The following CHD9 variants were observed in gnomAD, a reference collection of about 807,000 sequenced individuals.
The protein encoded by CHD9 is chromodomain helicase DNA binding protein 9.
A neutral mutation model predicts 316.1 loss-of-function variants in CHD9; 77 were observed. That is an observed-to-expected ratio of 0.24 (90% CI 0.20 to 0.29). CHD9 has a LOEUF of 0.29. CHD9 is among the 10% of genes least tolerant of loss of function. CHD9 has a pLI of 1.00. For missense variants in CHD9, 2,763 were observed against 3,438.1 expected (o/e 0.80, Z 4.91); for synonymous variants, 1,129 against 1,158.3 (o/e 0.97, Z 0.51).
intron 36 of CHD9, among the ~76,000 whole-genome samples, chr16:53,317,668 A>C (rs1456618526): frequency 2.0e-5 from 3 of 152,022 alleles, no homozygotes; most frequent in Non-Finnish European, 4.4e-5. Flanking sequence ...TAATTTTTTG[A>C]TTTTTTGTAG....
chr16:53,222,471 G>A (rs2047329216), intron 3 of CHD9, among the ~76,000 whole-genome samples, 173 bp from the exon 4 acceptor site: 2 of 152,138 alleles, frequency 1.3e-5, no homozygotes, highest in Admixed American at 1.3e-4. Flanking sequence ...TGTTCCATTA[G>A]AATAGAGTTT....
At chr16:53,288,280 T>G (rs2054051734) in intron 27 of CHD9, among the ~76,000 whole-genome samples, 1 of 152,084 alleles carries the variant, frequency 6.6e-6, no homozygotes, top group Non-Finnish European at 1.5e-5. Flanking sequence ...TTCTTAGAGC[T>G]AAGAAACACA....
intron 22 of CHD9, among the ~76,000 whole-genome samples, chr16:53,268,677 G>A (rs974109206): frequency 2.0e-5 from 3 of 152,138 alleles, no homozygotes; most frequent in African/African-American, 7.2e-5. Flanking sequence ...TCTTAGAAAT[G>A]CAGAATCTTA....
chr16:53,200,329 C>G (rs1449530374), intron 2 of CHD9, among the ~76,000 whole-genome samples: 5 of 146,614 alleles, frequency 3.4e-5, no homozygotes, highest in African/African-American at 1.3e-4. Context: ...CAAGATCACA[C>G]CACTGCACTC....
chr16:53,055,248 C>T (rs1477232457), intron 1 of CHD9, among the ~76,000 whole-genome samples, 171 bp downstream of exon 1: 3 of 152,178 alleles, frequency 2.0e-5, no homozygotes, highest in Non-Finnish European at 4.4e-5. Flanking sequence ...CGGAGCTGGG[C>T]CTAGAGCAAG....
chr16:53,287,070 C>T (rs1281816377), intron 26 of CHD9, among the ~76,000 whole-genome samples: 1 of 152,204 alleles, frequency 6.6e-6, no homozygotes, highest in East Asian at 1.9e-4. Flanking sequence ...AGTGATCCTC[C>T]CACTTAGTCT....
chr16:53,324,262 A>G lies in CHD9; in HGVS notation c.8061A>G (p.Val2687=). The G allele has an allele frequency of 6.2e-7, 1 of 1,613,976 alleles. No homozygotes were observed. The highest frequency in any genetic ancestry group is 8.5e-7 in the Non-Finnish European group (1 of 1,179,854). The change falls in exon 39 of 39, where the codon GTA becomes GTG. Residue 2687 remains valine (V), a synonymous_variant. Transcript: ENST00000447540. The part of the protein sequence containing the change: ...QNLQNLQSLQ[V]TAGLMGMPTG... ...TACAAAACTTGCAGTCACTGCAAGT[A>G]ACTGCTGGGTTGATGGGAATGCCTA...
At chr16:53,060,079 C>T (rs2032675825) in intron 1 of CHD9, among the ~76,000 whole-genome samples, 1 of 152,102 alleles carries the variant, frequency 6.6e-6, no homozygotes, top group African/African-American at 2.4e-5. Flanking sequence ...CATGGTGGCT[C>T]ATATCTGTGA....
chr16:53,260,475 T>A (rs1272916490), intron 19 of CHD9, among the ~76,000 whole-genome samples: 1 of 151,748 alleles, frequency 6.6e-6, no homozygotes, highest in Non-Finnish European at 1.5e-5. Flanking sequence ...TGAGACCTTT[T>A]CTCAAAAAAA....
At chr16:53,216,150 T>C (rs976217404) in intron 3 of CHD9, among the ~76,000 whole-genome samples, 1 of 152,202 alleles carries the variant, frequency 6.6e-6, no homozygotes, top group Non-Finnish European at 1.5e-5. Context: ...ACTATCAGTT[T>C]ATTTGAAGCA....
chr16:53,124,492 T>TTTC lies in CHD9; in HGVS notation c.-164-31432_-164-31431insCTT, dbSNP rs1463244787. ...ATTTTTTTTTTTTTTTTTTTTTTTTTTTGGAGAAGGTGTCTCGCTCTGTCA... is the reference window on the plus strand; with the variant it reads ...ATTTTTTTTTTTTTTTTTTTTTTTTTTTCTTGGAGAAGGTGTCTCGCTCTGTCA... On this transcript the variant is annotated intron_variant, in intron 1 of 38. Coordinates refer to ENST00000447540, the MANE Select transcript of CHD9 (RefSeq NM_001308319.2). 1.4e-3 allele frequency among the ~76,000 whole-genome samples: 200 copies of TTTC among 144,164 alleles called. 1 individual carries two copies. The highest frequency in any genetic ancestry group is 6.9e-3 in the Middle Eastern group (2 of 288). 94.6% of individuals were successfully genotyped at this position (144,164 alleles called of 152,430 possible).
chr16:53,204,761 G>A (rs981650900), intron 2 of CHD9, among the ~76,000 whole-genome samples: 1 of 151,848 alleles, frequency 6.6e-6, no homozygotes, highest in East Asian at 1.9e-4. Flanking sequence ...ATCATCTCTT[G>A]TACTATAGGT....
intron 1 of CHD9, among the ~76,000 whole-genome samples, chr16:53,141,776 TATA>T (rs2040129103): frequency 6.6e-6 from 1 of 152,120 alleles, no homozygotes; most frequent in Non-Finnish European, 1.5e-5. Flanking sequence ...AAAATGAGTG[TATA>T]ATAACTTGAA....
intron 2 of CHD9, among the ~76,000 whole-genome samples, chr16:53,165,863 G>T (rs1181616310): frequency 1.3e-5 from 2 of 152,090 alleles, no homozygotes; most frequent in South Asian, 2.1e-4. Context: ...TTTGCCCTAA[G>T]CAAAAAGAAG....
intron 8 of CHD9, among the ~76,000 whole-genome samples, chr16:53,230,940 T>G (rs893102966): frequency 6.6e-6 from 1 of 152,190 alleles, no homozygotes; most frequent in Non-Finnish European, 1.5e-5. Context: ...CATTAACCAT[T>G]AGAAAATGCA....
intron 1 of CHD9, among the ~76,000 whole-genome samples, chr16:53,119,869 T>A (rs1027493963): frequency 2.0e-5 from 3 of 151,990 alleles, no homozygotes; most frequent in African/African-American, 7.2e-5. Flanking sequence ...TCAAGAAATG[T>A]CCAGGGAACT....
chr16:53,085,776 A>G (rs1350360680), intron 1 of CHD9, among the ~76,000 whole-genome samples: 1 of 152,202 alleles, frequency 6.6e-6, no homozygotes, highest in Non-Finnish European at 1.5e-5. Flanking sequence ...CCTGCCGGGT[A>G]AATATTTTGG....
rs989003216 is a variant in CHD9 at position 53,325,986 on chromosome 16, G to A, written c.*1091G>A. The A allele has an allele frequency of 1.3e-5, 2 of 152,472 alleles. No individual in the cohort carries two copies. The highest frequency in any genetic ancestry group is 2.1e-4 in the South Asian group (1 of 4,828). The allele number at this position is 152,472 out of a possible 1,614,324, so 9.4% of individuals were successfully genotyped here. A position where few individuals can be genotyped will look rare whatever the true frequency, so the allele number is the denominator to read the frequency against. On this transcript the variant is annotated 3_prime_UTR_variant, in exon 39 of 39. Transcript: ENST00000447540. The stretch of plus-strand genomic sequence containing the variant: ...AGACTAAATGTTGCCCAGAATCAGT[G>A]TTGGGTTATCAGTTTATATTAAATA...
chr16:53,073,090 T>G (rs1051134216), intron 1 of CHD9, among the ~76,000 whole-genome samples: 10 of 152,236 alleles, frequency 6.6e-5, no homozygotes, highest in African/African-American at 1.7e-4. Flanking sequence ...AGAATTCCTT[T>G]CATCTTGTAA....
Sources: gnomAD v4.1 joint callset for allele counts (sites outside exome capture counted in the v4.1 genomes callset) on GRCh38, gnomAD v4.1.1 for gene constraint, MANE v1.5 for transcripts, NCBI Gene and HGNC (gene_info 2026-07-23, HGNC 2026-07-21) for gene names.